TRPC1: variants seen among roughly 807,000 people sequenced by gnomAD.
TRPC1 encodes the protein transient receptor potential cation channel subfamily C member 1, also known as short transient receptor potential channel 1.
Under a neutral mutation model 88.2 loss-of-function variants are expected in TRPC1, and 42 were observed. The ratio of observed to expected loss-of-function variants is 0.48; its 90% CI spans 0.37 to 0.62. The LOEUF is 0.62. Among genes scored for constraint, TRPC1 ranks in the 20% least tolerant of loss-of-function variants. TRPC1 has a pLI of 0.00. For synonymous variants in TRPC1, 288 were observed against 331.8 expected, an observed-to-expected ratio of 0.87 and a Z score of 1.43; for missense variants, 699 against 957.3, an observed-to-expected ratio of 0.73 and a Z score of 3.56.
chr3:142,760,153 CA>C (rs1187369791), intron 4 of TRPC1, among the ~76,000 whole-genome samples: 5 of 151,240 alleles, frequency 3.3e-5, no homozygotes, highest in South Asian at 2.1e-4. Context: ...GCCTTACACA[CA>C]AAAAAAAATT....
intron 4 of TRPC1, among the ~76,000 whole-genome samples, chr3:142,775,438 G>A (rs1324710804): frequency 6.6e-6 from 1 of 152,082 alleles, no homozygotes; most frequent in Admixed American, 6.5e-5. Context: ...GGGCAATATG[G>A]CAAAACCCCG....
At chr3:142,734,288 CAT>C (rs1349384037) in intron 1 of TRPC1, among the ~76,000 whole-genome samples, 4 of 151,558 alleles carry the variant, frequency 2.6e-5, no homozygotes, top group African/African-American at 4.9e-5. Context: ...GAAATGAAAA[CAT>C]AAGAAAATAA....
intron 3 of TRPC1, among the ~76,000 whole-genome samples, chr3:142,744,526 A>T (rs1248668003): frequency 6.6e-6 from 1 of 152,192 alleles, no homozygotes; most frequent in Admixed American, 6.5e-5. Context: ...AAATGATTAC[A>T]TATATGTACA....
At chr3:142,740,455 C>T (rs1287606696) in intron 2 of TRPC1, among the ~76,000 whole-genome samples, 1 of 152,190 alleles carries the variant, frequency 6.6e-6, no homozygotes, top group Non-Finnish European at 1.5e-5. Context: ...AGTAAGCTGT[C>T]AGGGCCATGG....
Position 142,727,451 on chromosome 3 carries a change from A to G in TRPC1, c.172+2720A>G, listed in dbSNP as rs372697850. ...ACAGATTAAAGAGTACAATAAATGTAGGAAAGAGAAAAGAAAAAGATTTAT... is the reference window on the plus strand; with the variant it reads ...ACAGATTAAAGAGTACAATAAATGTGGGAAAGAGAAAAGAAAAAGATTTAT... On this transcript the variant is annotated intron_variant, in intron 1 of 12. Transcript: ENST00000476941. Among the ~76,000 whole-genome samples the G allele has an allele frequency of 1.4e-4, 22 of 152,336 alleles. 1 individual carries two copies. In the East Asian group the frequency reaches 4.2e-3, roughly 29 times the overall value.
intron 1 of TRPC1, among the ~76,000 whole-genome samples, chr3:142,735,310 G>C (rs1167412905): frequency 2.0e-5 from 3 of 152,004 alleles, no homozygotes; most frequent in Non-Finnish European, 4.4e-5. Context: ...ATTTAGCCCA[G>C]TTTCAGTATT....
chr3:142,801,012 G>GTA, intron 9 of TRPC1, among the ~76,000 whole-genome samples: 1 of 151,390 alleles, frequency 6.6e-6, no homozygotes, highest in Non-Finnish European at 1.5e-5. Flanking sequence ...TAAACTTCCA[G>GTA]AAACTTCCTA....
At chr3:142,727,696 C>A (rs1004061133) in intron 1 of TRPC1, among the ~76,000 whole-genome samples, 1 of 152,092 alleles carries the variant, frequency 6.6e-6, no homozygotes, top group Non-Finnish European at 1.5e-5. Flanking sequence ...AGATAAAATT[C>A]TCAGAAAGTA....
chr3:142,749,815 A>C (rs1934690344), intron 4 of TRPC1, among the ~76,000 whole-genome samples: 1 of 152,228 alleles, frequency 6.6e-6, no homozygotes, highest in Non-Finnish European at 1.5e-5. Context: ...AAAAGCAAGC[A>C]ACGGGGAAAG....
At chr3:142,799,447 T>C (rs1374574204) in intron 9 of TRPC1, among the ~76,000 whole-genome samples, 1 of 152,182 alleles carries the variant, frequency 6.6e-6, no homozygotes, top group African/African-American at 2.4e-5. Context: ...AAGCCAGTGT[T>C]TTCCTCAGTG....
chr3:142,759,940 C>T (rs1463666315), intron 4 of TRPC1, among the ~76,000 whole-genome samples: 2 of 152,100 alleles, frequency 1.3e-5, no homozygotes, highest in Admixed American at 6.5e-5. Context: ...CTGCAAGCTC[C>T]GCCTCCTGGG....
intron 2 of TRPC1, among the ~76,000 whole-genome samples, chr3:142,738,915 T>C (rs6440107): frequency 0.49 from 74,711 of 151,934 alleles, 20,192 homozygotes; most frequent in African/African-American, 0.73. Context: ...ATCCTCACAA[T>C]ATAGGGATTT....
intron 2 of TRPC1, among the ~76,000 whole-genome samples, chr3:142,738,613 GT>G (rs1188949729): frequency 6.6e-6 from 1 of 152,114 alleles, no homozygotes; most frequent in African/African-American, 2.4e-5. Flanking sequence ...TTGGAGGGCA[GT>G]TTACTACTGT....
intron 2 of TRPC1, among the ~76,000 whole-genome samples, 189 bp from the exon 3 acceptor site, chr3:142,743,296 T>C (rs1011740124): frequency 8.2e-6 from 1 of 121,700 alleles, no homozygotes; most frequent in East Asian, 2.5e-4. Context: ...ACGTGTGTAT[T>C]GTGGTACACA....
intron 4 of TRPC1, among the ~76,000 whole-genome samples, chr3:142,763,011 T>C (rs1051691132): frequency 1.3e-5 from 2 of 152,208 alleles, no homozygotes; most frequent in Admixed American, 6.5e-5. Flanking sequence ...TTTCTAGTTT[T>C]ATTCCATATG....
At chr3:142,788,010 G>A (rs1936182923) in intron 7 of TRPC1, among the ~76,000 whole-genome samples, 1 of 152,188 alleles carries the variant, frequency 6.6e-6, no homozygotes, top group Non-Finnish European at 1.5e-5. Context: ...CTGGAGCAGG[G>A]AGAACCAGGA....
chr3:142,737,579 TA>T (rs1934189551), intron 2 of TRPC1, among the ~76,000 whole-genome samples: 1 of 152,156 alleles, frequency 6.6e-6, no homozygotes, highest in Admixed American at 6.5e-5. Flanking sequence ...TTTCTCATTT[TA>T]GTTTCCATTT....
chr3:142,790,947 GT>G, intron 7 of TRPC1, 71 bp from the exon 8 acceptor site: 1 of 1,197,634 alleles, frequency 8.3e-7, no homozygotes, highest in Non-Finnish European at 1.1e-6. Context: ...AATATTTTGA[GT>G]CTTAAAGTAT....
At position 142,724,808 on chromosome 3, in the gene TRPC1, A is replaced by C; in HGVS notation, c.172+77A>C. 4 of 1,412,854 alleles carry C rather than the reference A, an allele frequency of 2.8e-6. No homozygotes were observed. Among genetic ancestry groups the C allele is most frequent in the East Asian group, 2.7e-5 (1 of 36,832 alleles). 87.5% of individuals were successfully genotyped at this position (1,412,854 alleles called of 1,614,324 possible). On this transcript the variant is annotated intron_variant, in intron 1 of 12. Transcript: ENST00000476941. This position sits in a 1 kb window ranked among gnomAD's most constrained non-coding sequence, Gnocchi z 5.6. Reference sequence around the variant, plus strand: ...AGTCCTCTCCCCCGCCTCAACTTATATCGGGGCATTCCCTCTGTCTCAGGC... The same window carrying C: ...AGTCCTCTCCCCCGCCTCAACTTATCTCGGGGCATTCCCTCTGTCTCAGGC...
Sources: allele counts gnomAD v4.1 joint callset (sites outside exome capture counted in the v4.1 genomes callset), GRCh38; gene constraint gnomAD v4.1.1; non-coding constraint Gnocchi (gnomAD v3.1); transcripts MANE v1.5; gene names NCBI Gene and HGNC (gene_info 2026-07-23, HGNC 2026-07-21).